The following TRPC4 variants were observed in gnomAD, a reference collection of about 807,000 sequenced individuals.
TRPC4 encodes the protein short transient receptor potential channel 4.
TRPC4 carries 49 observed loss-of-function variants against 99.4 expected under a neutral mutation model. The ratio of observed to expected loss-of-function variants is 0.49; its 90% CI spans 0.39 to 0.63. The LOEUF is 0.63. Among genes scored for constraint, TRPC4 ranks in the 20% least tolerant of loss-of-function variants. The pLI is 0.00. For missense variants in TRPC4, 898 were observed against 1,152.9 expected, an observed-to-expected ratio of 0.78 and a Z score of 3.20; for synonymous variants, 454 against 425.9, an observed-to-expected ratio of 1.07 and a Z score of -0.81.
chr13:37,725,594 AC>A (rs1357551898), intron 3 of TRPC4, among the ~76,000 whole-genome samples: 1 of 152,194 alleles, frequency 6.6e-6, no homozygotes, highest in Non-Finnish European at 1.5e-5. Context: ...TAGTTAATGT[AC>A]TACAAAATTA....
intron 6 of TRPC4, among the ~76,000 whole-genome samples, chr13:37,656,043 A>G (rs893486963): frequency 1.3e-5 from 2 of 152,158 alleles, no homozygotes; most frequent in African/African-American, 4.8e-5. Flanking sequence ...CTTACGTAAT[A>G]AAATTTGATG....
intron 3 of TRPC4, among the ~76,000 whole-genome samples, chr13:37,722,414 G>T (rs186583960): frequency 6.6e-6 from 1 of 152,218 alleles, no homozygotes; most frequent in Non-Finnish European, 1.5e-5. Flanking sequence ...GATGTAATCA[G>T]AGCATTCAAA....
chr13:37,813,552 C>A (rs1754758816), intron 1 of TRPC4, among the ~76,000 whole-genome samples: 1 of 151,480 alleles, frequency 6.6e-6, no homozygotes, highest in Non-Finnish European at 1.5e-5. Context: ...AAACAGGGAA[C>A]ACTACTACTG....
chr13:37,725,026 T>C (rs1954999608), intron 3 of TRPC4, among the ~76,000 whole-genome samples: 1 of 152,012 alleles, frequency 6.6e-6, no homozygotes, highest in Admixed American at 6.6e-5. Context: ...TCACAAAAAC[T>C]ATGTATGAAC....
At chr13:37,790,595 A>T (rs1469810960) in intron 1 of TRPC4, among the ~76,000 whole-genome samples, 1 of 152,190 alleles carries the variant, frequency 6.6e-6, no homozygotes, top group Non-Finnish European at 1.5e-5. Flanking sequence ...AAATAAGGTT[A>T]CTTATCAGGA....
Position 37,691,984 on chromosome 13 carries a change from T to C in TRPC4, c.1234+15A>G, listed in dbSNP as rs900175007. The C allele has an allele frequency of 5.7e-6, 9 of 1,592,260 alleles. 1 individual carries two copies. In the Middle Eastern group the frequency reaches 6.7e-4, roughly 119 times the overall value. ...TAACATGTTTTTATTATATTTTCTA[T>C]AGTAACACATTTACCCAGGACCCAC... On this transcript the variant is annotated intron_variant, in intron 4 of 10. Coordinates refer to ENST00000379705, the MANE Select transcript of TRPC4 (RefSeq NM_016179.4).
chr13:37,643,535 A>C (rs891406230), intron 8 of TRPC4, among the ~76,000 whole-genome samples: 88 of 152,206 alleles, frequency 5.8e-4, no homozygotes, highest in Non-Finnish European at 2.1e-4. Context: ...GATTAGGACA[A>C]GGGGAGGTGC....
At chr13:37,843,300 C>T (rs1394313766) in intron 1 of TRPC4, among the ~76,000 whole-genome samples, 1 of 152,176 alleles carries the variant, frequency 6.6e-6, no homozygotes, top group African/African-American at 2.4e-5. Context: ...CAAATGTTAA[C>T]TTTGTTACTT....
At chr13:37,696,131 A>G (rs892432956) in intron 3 of TRPC4, among the ~76,000 whole-genome samples, 1 of 152,194 alleles carries the variant, frequency 6.6e-6, no homozygotes, top group Non-Finnish European at 1.5e-5. Flanking sequence ...GATGGCAGAC[A>G]AAAGAAGAGC....
intron 3 of TRPC4, among the ~76,000 whole-genome samples, chr13:37,728,280 G>A (rs1004262368): frequency 1.3e-4 from 19 of 151,714 alleles, no homozygotes. Context: ...CTTATATGCA[G>A]AAAACCCTGA....
chr13:37,733,139 T>G (rs1955290045), intron 3 of TRPC4, among the ~76,000 whole-genome samples: 1 of 152,212 alleles, frequency 6.6e-6, no homozygotes, highest in East Asian at 1.9e-4. Flanking sequence ...CCCGTGTGGT[T>G]GCATGTACCT....
chr13:37,857,330 A>C (rs1403032956), intron 1 of TRPC4, among the ~76,000 whole-genome samples: 3 of 151,776 alleles, frequency 2.0e-5, no homozygotes, highest in African/African-American at 7.2e-5. Flanking sequence ...ATACTGGTAA[A>C]ATGTTCATAC....
intron 1 of TRPC4, among the ~76,000 whole-genome samples, chr13:37,834,758 G>A (rs1282412939): frequency 2.6e-5 from 4 of 151,914 alleles, no homozygotes; most frequent in African/African-American, 4.8e-5. Flanking sequence ...ACAGAGTCTC[G>A]CTCTGTCACC....
rs751590040 is a variant in TRPC4, at chr13:37,655,092, A to G, written c.1880T>C (p.Ile627Thr). The stretch of plus-strand genomic sequence containing the variant: ...AAATAAAGCTGGTCAACTTACAGCA[A>G]TCAGTTGGTAAGAATTATTCATCAT... ...IAMMNNSYQL[I>T]ADHADIEWKF... Residue 627 changes from isoleucine to threonine, a missense_variant, in exon 7 of 11, where the codon ATT (isoleucine) becomes ACT (threonine). Ile to Thr is a moderately conservative substitution (Grantham distance 89). Transcript: ENST00000379705. 7 of 1,529,080 alleles carry G rather than the reference A, an allele frequency of 4.6e-6. No homozygotes were observed. Among genetic ancestry groups the G allele is most frequent in the Non-Finnish European group, 6.2e-6 (7 of 1,131,844 alleles). The allele number at this position is 1,529,080 out of a possible 1,614,324, so 94.7% of individuals were successfully genotyped here.
At chr13:37,800,030 G>T (rs1278814900) in intron 1 of TRPC4, among the ~76,000 whole-genome samples, 1 of 152,046 alleles carries the variant, frequency 6.6e-6, no homozygotes, top group African/African-American at 2.4e-5. Flanking sequence ...CTAATATATA[G>T]GTATTCAATC....
chr13:37,685,078 T>C (rs1953416880), intron 4 of TRPC4, among the ~76,000 whole-genome samples: 3 of 152,160 alleles, frequency 2.0e-5, no homozygotes, highest in Non-Finnish European at 4.4e-5. Flanking sequence ...GTGAGTTTGG[T>C]ATGTTGGTAA....
chr13:37,845,626 T>G (rs1958870560), intron 1 of TRPC4, among the ~76,000 whole-genome samples: 1 of 149,680 alleles, frequency 6.7e-6, no homozygotes, highest in Non-Finnish European at 1.5e-5. Flanking sequence ...AATAAATAAA[T>G]AAATAAGAAT....
chr13:37,751,789 CTG>C (rs1165361296), intron 2 of TRPC4, among the ~76,000 whole-genome samples: 3 of 151,844 alleles, frequency 2.0e-5, no homozygotes, highest in African/African-American at 7.3e-5. Context: ...ACAGAGATGA[CTG>C]TGTATTTGAC....
At chr13:37,682,467 C>T (rs1385349768) in intron 4 of TRPC4, among the ~76,000 whole-genome samples, 2 of 152,188 alleles carry the variant, frequency 1.3e-5, no homozygotes, top group African/African-American at 4.8e-5. Flanking sequence ...TTCTGGACCT[C>T]TAAGAGGCAC....
Sources: allele counts gnomAD v4.1 joint callset (sites outside exome capture counted in the v4.1 genomes callset), GRCh38; gene constraint gnomAD v4.1.1; transcripts MANE v1.5; gene names NCBI Gene and HGNC (gene_info 2026-07-23, HGNC 2026-07-21).